PTPRM: variants seen among roughly 807,000 people sequenced by gnomAD.
PTPRM encodes protein tyrosine phosphatase receptor type M.
PTPRM carries 47 observed loss-of-function variants against 186.7 expected under a neutral mutation model. The ratio of observed to expected loss-of-function variants is 0.25; its 90% CI spans 0.20 to 0.32. The LOEUF is 0.32. Among genes scored for constraint, PTPRM ranks in the 10% least tolerant of loss-of-function variants. PTPRM has a pLI of 1.00. For synonymous variants in PTPRM, 668 were observed against 674.9 expected, an observed-to-expected ratio of 0.99 and a Z score of 0.16; for missense variants, 1,494 against 1,865.0, an observed-to-expected ratio of 0.80 and a Z score of 3.66.
chr18:8,022,267 G>A (rs1453445339), intron 7 of PTPRM, among the ~76,000 whole-genome samples: 1 of 152,140 alleles, frequency 6.6e-6, no homozygotes, highest in East Asian at 1.9e-4. Context: ...AAGACTCACT[G>A]TGAATTTATG....
At chr18:8,196,839 G>T (rs879766465) in intron 14 of PTPRM, among the ~76,000 whole-genome samples, 4 of 152,162 alleles carry the variant, frequency 2.6e-5, no homozygotes, top group African/African-American at 9.7e-5. Flanking sequence ...AGGGCAGTTT[G>T]CTAGCACTCA....
At chr18:7,813,626 T>G (rs1370854340) in intron 2 of PTPRM, among the ~76,000 whole-genome samples, 2 of 152,212 alleles carry the variant, frequency 1.3e-5, no homozygotes, top group Non-Finnish European at 2.9e-5. Context: ...TTTTCTTCTC[T>G]TATCTCTTTA....
At chr18:7,863,277 C>G (rs2047488887) in intron 2 of PTPRM, among the ~76,000 whole-genome samples, 1 of 152,050 alleles carries the variant, frequency 6.6e-6, no homozygotes, top group Non-Finnish European at 1.5e-5. Flanking sequence ...TAGGTATACA[C>G]ATGCCATGGT....
chr18:7,735,037 G>T lies in PTPRM; in HGVS notation c.74-39112G>T, dbSNP rs117984106. ...AAAGAAACCTGAAAAACTAGTTCAGGTCATGAAAGGAAGTGGGGACCAGGC... is the reference window on the plus strand; with the variant it reads ...AAAGAAACCTGAAAAACTAGTTCAGTTCATGAAAGGAAGTGGGGACCAGGC... On this transcript the variant is annotated intron_variant, in intron 1 of 32. Transcript: ENST00000580170. Among the ~76,000 whole-genome samples the T allele has an allele frequency of 4.9e-3, 750 of 152,268 alleles. 3 individuals are homozygous for T. The highest frequency in any genetic ancestry group is 0.014 in the Middle Eastern group (4 of 294).
intron 1 of PTPRM, among the ~76,000 whole-genome samples, chr18:7,595,928 C>T (rs1052633198): frequency 6.6e-6 from 1 of 152,172 alleles, no homozygotes; most frequent in Non-Finnish European, 1.5e-5. Context: ...ATATCCACAC[C>T]TCTGAAAGAT....
chr18:8,313,521 G>A (rs1448633313), intron 20 of PTPRM, among the ~76,000 whole-genome samples: 1 of 151,988 alleles, frequency 6.6e-6, no homozygotes, highest in Non-Finnish European at 1.5e-5. Flanking sequence ...GGACACAGCA[G>A]TGATCAGTGC....
At chr18:8,166,336 T>C (rs953554540) in intron 14 of PTPRM, among the ~76,000 whole-genome samples, 3 of 152,144 alleles carry the variant, frequency 2.0e-5, no homozygotes, top group East Asian at 1.9e-4. Context: ...TTTTCTGTAA[T>C]TGAAGTCACC....
At chr18:7,734,927 G>T (rs1163247751) in intron 1 of PTPRM, among the ~76,000 whole-genome samples, 1 of 149,798 alleles carries the variant, frequency 6.7e-6, no homozygotes, top group African/African-American at 2.5e-5. Flanking sequence ...CACGGTGGGG[G>T]TCACACACAC....
At chr18:7,632,848 A>C (rs551027931) in intron 1 of PTPRM, among the ~76,000 whole-genome samples, 3 of 152,306 alleles carry the variant, frequency 2.0e-5, no homozygotes, top group African/African-American at 7.2e-5. Flanking sequence ...AAAATGTCTA[A>C]AAAAATTCAG....
intron 4 of PTPRM, among the ~76,000 whole-genome samples, chr18:7,907,124 C>T (rs944992094): frequency 6.6e-6 from 1 of 152,188 alleles, no homozygotes; most frequent in Non-Finnish European, 1.5e-5. Flanking sequence ...GATAAACATA[C>T]AATTTTTAAA....
intron 4 of PTPRM, among the ~76,000 whole-genome samples, chr18:7,909,096 G>A (rs896027689): frequency 2.2e-4 from 34 of 152,224 alleles, no homozygotes; most frequent in African/African-American, 7.2e-4. Flanking sequence ...ACATATCCTG[G>A]GCTCCATCTT....
intron 2 of PTPRM, among the ~76,000 whole-genome samples, chr18:7,834,491 T>TACACACACACACACACACATACAC (rs1555613405): frequency 0.011 from 970 of 84,590 alleles, 31 homozygotes; most frequent in East Asian, 0.038. Flanking sequence ...TATACAAGTA[T>TACACACACACACACACACATACAC]ACACACACAC....
At chr18:8,124,056 G>A (rs181620564) in intron 13 of PTPRM, among the ~76,000 whole-genome samples, 51 of 152,244 alleles carry the variant, frequency 3.3e-4, no homozygotes, top group African/African-American at 9.6e-4. Context: ...AGCCCCCGTC[G>A]TAAGGCATTT....
chr18:8,375,920 A>AGTCCACTGT, intron 24 of PTPRM, 126 bp from the exon 25 acceptor site: 1 of 981,736 alleles, frequency 1.0e-6, no homozygotes, highest in South Asian at 1.6e-5. Flanking sequence ...TTTCCCCAGC[A>AGTCCACTGT]GTCCACTGTT....
At chr18:8,020,293 G>T (rs2085130563) in intron 7 of PTPRM, among the ~76,000 whole-genome samples, 1 of 152,144 alleles carries the variant, frequency 6.6e-6, no homozygotes. Context: ...ATGGCAGTGG[G>T]ATGCTCAGTG....
At chr18:7,983,441 G>C (rs1303051203) in intron 7 of PTPRM, among the ~76,000 whole-genome samples, 1 of 152,116 alleles carries the variant, frequency 6.6e-6, no homozygotes, top group Non-Finnish European at 1.5e-5. Context: ...GAACAGGAAT[G>C]CCTGTTTTAC....
At chr18:7,975,022 C>T (rs906852535) in intron 7 of PTPRM, among the ~76,000 whole-genome samples, 4 of 152,088 alleles carry the variant, frequency 2.6e-5, no homozygotes, top group Non-Finnish European at 5.9e-5. Context: ...TCAGTGATGC[C>T]GATATTGAAA....
At chr18:7,619,882 G>C (rs1475767752) in intron 1 of PTPRM, among the ~76,000 whole-genome samples, 1 of 152,172 alleles carries the variant, frequency 6.6e-6, no homozygotes, top group Non-Finnish European at 1.5e-5. Context: ...GCTCGTGCTT[G>C]TTTCACCACA....
chr18:7,588,038 A>G (rs1458754860), intron 1 of PTPRM, among the ~76,000 whole-genome samples: 1 of 152,210 alleles, frequency 6.6e-6, no homozygotes, highest in Non-Finnish European at 1.5e-5. Flanking sequence ...CATATTTTGT[A>G]ATAAGTTATA....
Sources: gnomAD v4.1 joint callset for allele counts (sites outside exome capture counted in the v4.1 genomes callset) on GRCh38, gnomAD v4.1.1 for gene constraint, MANE v1.5 for transcripts, NCBI Gene and HGNC (gene_info 2026-07-23, HGNC 2026-07-21) for gene names.